Variants in XKR9 observed in about 807,000 individuals in gnomAD.
XKR9 encodes XK-related protein 9.
XKR9 carries 32 observed loss-of-function variants against 32.0 expected under a neutral mutation model. The observed-to-expected ratio is 1.00, with a 90% CI of 0.76 to 1.34. XKR9 has a LOEUF of 1.34. XKR9 is among the 40% of genes most tolerant of loss of function. The pLI is 0.00. For synonymous variants in XKR9, 168 were observed against 143.4 expected, an observed-to-expected ratio of 1.17 and a Z score of -1.22; for missense variants, 546 against 429.7, an observed-to-expected ratio of 1.27 and a Z score of -2.39.
chr8:71,041,335 A>C, the XKR9 span, among the ~76,000 whole-genome samples: 1 of 152,176 alleles, frequency 6.6e-6, no homozygotes, highest in East Asian at 1.9e-4. Flanking sequence ...TCTGAAAAAT[A>C]AGTTATAATT....
At chr8:71,048,007 T>C in the XKR9 span, among the ~76,000 whole-genome samples, 2 of 152,210 alleles carry the variant, frequency 1.3e-5, no homozygotes, top group African/African-American at 2.4e-5. Flanking sequence ...ATTACTGGGA[T>C]ATTACATATT....
chr8:70,683,639 C>G (rs774870552), intron 3 of XKR9: 26 of 402,476 alleles, frequency 6.5e-5, no homozygotes, highest in South Asian at 4.3e-4. Context: ...AGGCATGTGC[C>G]ATGACACTTG....
intron 3 of XKR9, among the ~76,000 whole-genome samples, chr8:70,706,551 T>A (rs1017592399): frequency 6.6e-6 from 1 of 152,152 alleles, no homozygotes. Flanking sequence ...TAATAAGATC[T>A]GGGTTTGGAC....
At chr8:70,926,066 C>A in the XKR9 span, among the ~76,000 whole-genome samples, 1 of 151,914 alleles carries the variant, frequency 6.6e-6, no homozygotes, top group Non-Finnish European at 1.5e-5. Context: ...ATATTATAAC[C>A]AATTTCTTTT....
chr8:70,689,443 AAT>A (rs34348878), intron 3 of XKR9, among the ~76,000 whole-genome samples: 57,401 of 146,502 alleles, frequency 0.39, 12,886 homozygotes, highest in Non-Finnish European at 0.52. Flanking sequence ...CCATATTGCA[AAT>A]ATATATATAT....
At chr8:70,901,093 A>G in the XKR9 span, among the ~76,000 whole-genome samples, 14 of 152,262 alleles carry the variant, frequency 9.2e-5, no homozygotes, top group African/African-American at 3.1e-4. Context: ...AGTCTTTGCT[A>G]TTGTGAATAG....
intron 3 of XKR9, among the ~76,000 whole-genome samples, chr8:70,692,442 C>T (rs1805109154): frequency 6.6e-6 from 1 of 151,980 alleles, no homozygotes; most frequent in South Asian, 2.1e-4. Context: ...CTGGCTAGGA[C>T]TTCCAATACT....
intron 4 of XKR9, among the ~76,000 whole-genome samples, chr8:70,724,828 T>A (rs567686678): frequency 6.6e-6 from 1 of 152,290 alleles, no homozygotes; most frequent in South Asian, 2.1e-4. Flanking sequence ...TTGGCCATCT[T>A]AGTCTGGGTT....
At chr8:70,985,063 T>A in the XKR9 span, among the ~76,000 whole-genome samples, 1 of 152,158 alleles carries the variant, frequency 6.6e-6, no homozygotes, top group East Asian at 1.9e-4. Flanking sequence ...TTATAGATAA[T>A]TTTCCAAAAA....
chr8:70,876,846 G>A, the XKR9 span, among the ~76,000 whole-genome samples: 1 of 152,196 alleles, frequency 6.6e-6, no homozygotes, highest in South Asian at 2.1e-4. Context: ...CTGGAGACGT[G>A]TTGAGATCTG....
At chr8:70,981,496 G>A in the XKR9 span, among the ~76,000 whole-genome samples, 26 of 151,964 alleles carry the variant, frequency 1.7e-4, no homozygotes, top group Non-Finnish European at 3.7e-4. Flanking sequence ...AGTAGTGACT[G>A]TTTTTTATTT....
chr8:70,905,340 A>G, the XKR9 span, among the ~76,000 whole-genome samples: 13 of 151,732 alleles, frequency 8.6e-5, no homozygotes, highest in Admixed American at 7.9e-4. Flanking sequence ...TTTTTCTCTA[A>G]ACTTCTCTTC....
At position 70,734,242 on chromosome 8, in the gene XKR9, AATCCAGACT is replaced by A; in HGVS notation, c.943_951del (p.Pro315_Tyr317del). The stretch of plus-strand genomic sequence containing the variant: ...CTGGGTTTGCCCCCTCACTATTTTT[AATCCAGACT>A]ATTTTATACCTATCAGTATAACTAT... On this transcript the variant is annotated inframe_deletion, in exon 5 of 5. Coordinates refer to ENST00000408926, the MANE Select transcript of XKR9 (RefSeq NM_001011720.2). 6.2e-7 allele frequency: 1 copy of A among 1,613,016 alleles called. No individual in the cohort carries two copies. The highest frequency in any genetic ancestry group is 8.5e-7 in the Non-Finnish European group (1 of 1,179,414).
intron 2 of XKR9, among the ~76,000 whole-genome samples, chr8:70,760,389 A>T (rs1229782708): frequency 6.6e-6 from 1 of 152,204 alleles, no homozygotes; most frequent in African/African-American, 2.4e-5. Context: ...CAGTATGTGC[A>T]CCTTAGAGTC....
At chr8:70,796,816 G>C in the XKR9 span, among the ~76,000 whole-genome samples, 1 of 152,150 alleles carries the variant, frequency 6.6e-6, no homozygotes, top group African/African-American at 2.4e-5. Flanking sequence ...ATACATATTT[G>C]TTGAATGAAC....
intron 2 of XKR9, among the ~76,000 whole-genome samples, chr8:70,760,005 A>G (rs1229175015): frequency 6.6e-6 from 1 of 152,200 alleles, no homozygotes; most frequent in East Asian, 1.9e-4. Context: ...TGTTTTGAGC[A>G]TATTCTTTAT....
intron 3 of XKR9, among the ~76,000 whole-genome samples, chr8:70,682,601 G>GT (rs977487180): frequency 1.2e-4 from 18 of 152,138 alleles, no homozygotes; most frequent in Non-Finnish European, 7.4e-5. Flanking sequence ...AAATGCTACT[G>GT]TTTTGCTTTT....
the XKR9 span, among the ~76,000 whole-genome samples, chr8:70,835,717 T>G: frequency 6.6e-6 from 1 of 152,074 alleles, no homozygotes; most frequent in Non-Finnish European, 1.5e-5. Flanking sequence ...CAACTACTTT[T>G]AGTCATAGTT....
chr8:70,899,507 A>G, the XKR9 span, among the ~76,000 whole-genome samples: 4 of 151,244 alleles, frequency 2.6e-5, no homozygotes, highest in African/African-American at 7.3e-5. Context: ...ACTTGTTAGT[A>G]CAAGCTGGAT....
Sources: gnomAD v4.1 joint callset for allele counts (sites outside exome capture counted in the v4.1 genomes callset) on GRCh38, gnomAD v4.1.1 for gene constraint, MANE v1.5 for transcripts, NCBI Gene and HGNC (gene_info 2026-07-23, HGNC 2026-07-21) for gene names.